The following PHF21A variants were observed in gnomAD, a reference collection of about 807,000 sequenced individuals.
PHF21A encodes the protein PHD finger protein 21A, also known as BHC80a.
A neutral mutation model predicts 82.5 loss-of-function variants in PHF21A; 11 were observed. The observed-to-expected ratio is 0.13, with a 90% CI of 0.08 to 0.22. The LOEUF (loss-of-function observed/expected upper bound fraction) is 0.22. Among genes scored for constraint, PHF21A ranks in the 10% least tolerant of loss-of-function variants. PHF21A has a pLI of 1.00. For synonymous variants in PHF21A, 297 were observed against 302.8 expected, an observed-to-expected ratio of 0.98 and a Z score of 0.20; for missense variants, 579 against 837.8, an observed-to-expected ratio of 0.69 and a Z score of 3.81.
intron 6 of PHF21A, among the ~76,000 whole-genome samples, chr11:46,017,437 G>A (rs949393833): frequency 5.3e-5 from 8 of 152,070 alleles, no homozygotes; most frequent in African/African-American, 9.7e-5. Flanking sequence ...AATACTAGTT[G>A]GATGTGTTCT....
At chr11:46,083,162 C>G (rs963713817) in intron 4 of PHF21A, among the ~76,000 whole-genome samples, 5 of 144,756 alleles carry the variant, frequency 3.5e-5, no homozygotes, top group Non-Finnish European at 7.4e-5. Context: ...GTAACAGAAG[C>G]AAAGTTAAAA....
chr11:45,946,839 A>G (rs1393615340), intron 14 of PHF21A, among the ~76,000 whole-genome samples: 2 of 152,208 alleles, frequency 1.3e-5, no homozygotes, highest in African/African-American at 4.8e-5. Flanking sequence ...GGAGACCGGC[A>G]AAGCAAGGAG....
At chr11:46,049,628 T>C (rs947434858) in intron 6 of PHF21A, 1 of 378,766 alleles carries the variant, frequency 2.6e-6, no homozygotes, top group Admixed American at 3.2e-5. Flanking sequence ...GTCACAGCAC[T>C]CTCCTTGCTG....
intron 4 of PHF21A, among the ~76,000 whole-genome samples, chr11:46,082,302 C>T (rs2096801504): frequency 6.6e-6 from 1 of 152,190 alleles, no homozygotes; most frequent in African/African-American, 2.4e-5. Context: ...TGGCTTTTGT[C>T]CCACTATTTC....
At chr11:46,099,655 C>CA (rs1367156699) in intron 1 of PHF21A, among the ~76,000 whole-genome samples, 12 of 152,210 alleles carry the variant, frequency 7.9e-5, no homozygotes, top group African/African-American at 2.6e-4. Flanking sequence ...CTAGAAAACT[C>CA]AGAGTAGGCC....
intron 9 of PHF21A, 60 bp downstream of exon 9, chr11:45,969,755 A>G (rs376365191): frequency 8.8e-7 from 1 of 1,131,444 alleles, no homozygotes; most frequent in East Asian, 2.4e-5. Context: ...ACTTAGAAAG[A>G]GCCCATGAGG....
At chr11:45,978,740 A>C (rs1293061968) in intron 7 of PHF21A, among the ~76,000 whole-genome samples, 1 of 152,204 alleles carries the variant, frequency 6.6e-6, no homozygotes, top group Non-Finnish European at 1.5e-5. Flanking sequence ...GTGACCTTCA[A>C]GGATCCAAGT....
chr11:46,106,316 TG>T (rs1024273538), intron 1 of PHF21A, among the ~76,000 whole-genome samples: 3 of 152,160 alleles, frequency 2.0e-5, no homozygotes, highest in Middle Eastern at 6.8e-3. Flanking sequence ...CACAAAAGGG[TG>T]GGGGGGAACC....
chr11:45,967,911 T>C (rs766018076), intron 9 of PHF21A, among the ~76,000 whole-genome samples: 4 of 152,254 alleles, frequency 2.6e-5, no homozygotes, highest in Non-Finnish European at 4.4e-5. Context: ...TATGTACTCT[T>C]AATAGTTCAT....
intron 6 of PHF21A, among the ~76,000 whole-genome samples, chr11:46,061,599 A>G (rs1222171659): frequency 6.6e-6 from 1 of 152,212 alleles, no homozygotes; most frequent in Non-Finnish European, 1.5e-5. Flanking sequence ...AAGAAACTAT[A>G]CAATGTCTCT....
chr11:46,058,577 A>G (rs1592627808), intron 6 of PHF21A, among the ~76,000 whole-genome samples: 1 of 152,348 alleles, frequency 6.6e-6, no homozygotes, highest in Non-Finnish European at 1.5e-5. Context: ...AGCATGTTAA[A>G]TAATTCTCCT....
intron 10 of PHF21A, among the ~76,000 whole-genome samples, chr11:45,958,909 C>T (rs1024700506): frequency 1.3e-5 from 2 of 152,082 alleles, no homozygotes; most frequent in Non-Finnish European, 2.9e-5. Context: ...CACAGCAAGA[C>T]CCTGCCTCCA....
At position 45,971,372 on chromosome 11, in the gene PHF21A, G is replaced by C; in HGVS notation, c.361-5C>G. The C allele has an allele frequency of 6.8e-6, 11 of 1,611,970 alleles. No individual in the cohort carries two copies. Among genetic ancestry groups the C allele is most frequent in the South Asian group, 1.1e-5 (1 of 90,932 alleles). On this transcript the variant is annotated splice_region_variant and splice_polypyrimidine_tract_variant and intron_variant, in intron 7 of 18. Transcript: ENST00000676320. ...AGAAGCTGTAGTTACAGTCTTCTAGGAGACAGGGAAAACAGATATTAGGAC... is the reference window on the plus strand; with the variant it reads ...AGAAGCTGTAGTTACAGTCTTCTAGCAGACAGGGAAAACAGATATTAGGAC...
intron 6 of PHF21A, among the ~76,000 whole-genome samples, chr11:46,076,005 C>T (rs1257741205): frequency 6.6e-6 from 1 of 152,176 alleles, no homozygotes; most frequent in Non-Finnish European, 1.5e-5. Context: ...GAAAACCACT[C>T]TTTCTAACCA....
intron 6 of PHF21A, among the ~76,000 whole-genome samples, chr11:46,017,575 T>C (rs191490205): frequency 2.1e-3 from 313 of 150,342 alleles, no homozygotes; most frequent in African/African-American, 7.4e-3. Context: ...GATTTGCCCT[T>C]AAGGGGGAAA....
At chr11:46,030,820 C>CGTGTGTGTGCGT (rs1158820823) in intron 6 of PHF21A, among the ~76,000 whole-genome samples, 1 of 75,382 alleles carries the variant, frequency 1.3e-5, no homozygotes, top group South Asian at 5.5e-4. Context: ...TGTGTGTGTG[C>CGTGTGTGTGCGT]GTGTGTGTGC....
chr11:46,053,750 G>C (rs1002642345), intron 6 of PHF21A, among the ~76,000 whole-genome samples: 2 of 152,060 alleles, frequency 1.3e-5, no homozygotes, highest in African/African-American at 4.8e-5. Context: ...AACATAATTT[G>C]TAACTCCCTT....
In PHF21A at chr11:45,932,934, G is replaced by A. The variant is rs1466104497; in HGVS notation, c.*1034C>T. 6.6e-6 allele frequency: 1 copy of A among 151,328 alleles called. No individual in the cohort carries two copies. The highest frequency in any genetic ancestry group is 1.5e-5 in the Non-Finnish European group (1 of 67,726). The allele number at this position is 151,328 out of a possible 1,614,324, so 9.4% of individuals were successfully genotyped here. A position where few individuals can be genotyped will look rare whatever the true frequency, so the allele number is the denominator to read the frequency against. Reference sequence around the variant, plus strand: ...GTTTTTGTTACCAAGAAAGTAAAATGAACAGTAAAATAAAACTTTCCTTAA... The same window carrying A: ...GTTTTTGTTACCAAGAAAGTAAAATAAACAGTAAAATAAAACTTTCCTTAA... On this transcript the variant is annotated 3_prime_UTR_variant, in exon 19 of 19. Transcript: ENST00000676320. This position sits in a 1 kb window ranked among gnomAD's most constrained non-coding sequence, Gnocchi z 4.3.
At chr11:46,098,358 C>T (rs1179867464) in intron 1 of PHF21A, among the ~76,000 whole-genome samples, 1 of 152,084 alleles carries the variant, frequency 6.6e-6, no homozygotes, top group African/African-American at 2.4e-5. Flanking sequence ...GCCACACTAG[C>T]TAATAAAAGA....
Sources: allele counts gnomAD v4.1 joint callset (sites outside exome capture counted in the v4.1 genomes callset), GRCh38; gene constraint gnomAD v4.1.1; non-coding constraint Gnocchi (gnomAD v3.1); transcripts MANE v1.5; gene names NCBI Gene and HGNC (gene_info 2026-07-23, HGNC 2026-07-21).